ENOX1: variants seen among roughly 807,000 people sequenced by gnomAD.
The protein encoded by ENOX1 is ecto-NOX disulfide-thiol exchanger 1, also known as candidate growth-related and time keeping constitutive hydroquinone (NADH) oxidase.
A neutral mutation model predicts 82.5 loss-of-function variants in ENOX1; 42 were observed. The ratio of observed to expected loss-of-function variants is 0.51; its 90% CI spans 0.40 to 0.66. The LOEUF (loss-of-function observed/expected upper bound fraction) is 0.66. Ranked by LOEUF, ENOX1 falls within the 30% of genes least tolerant of loss-of-function variation. The pLI, the probability that ENOX1 is intolerant of heterozygous loss-of-function variation, is 0.00. For synonymous variants in ENOX1, 271 were observed against 282.2 expected (o/e 0.96, Z 0.40); for missense variants, 608 against 811.6 (o/e 0.75, Z 3.05).
chr13:43,741,563 A>G (rs1366482281), intron 1 of ENOX1, among the ~76,000 whole-genome samples: 5 of 152,096 alleles, frequency 3.3e-5, no homozygotes, highest in Non-Finnish European at 5.9e-5. Context: ...ATCTCTTCAG[A>G]TCTTTGCCCA....
intron 5 of ENOX1, among the ~76,000 whole-genome samples, chr13:43,384,562 C>T (rs1022456167): frequency 7.9e-5 from 12 of 152,192 alleles, no homozygotes; most frequent in South Asian, 6.2e-4. Flanking sequence ...CCTCAGTTCA[C>T]GTGGCTGAGA....
intron 5 of ENOX1, among the ~76,000 whole-genome samples, chr13:43,396,553 G>A (rs1227846815): frequency 2.0e-5 from 3 of 151,964 alleles, no homozygotes; most frequent in African/African-American, 2.4e-5. Flanking sequence ...CTAATTTTTT[G>A]TATTTTTAGT....
intron 3 of ENOX1, among the ~76,000 whole-genome samples, chr13:43,481,512 C>G (rs2058508412): frequency 6.6e-6 from 1 of 151,958 alleles, no homozygotes; most frequent in Non-Finnish European, 1.5e-5. Flanking sequence ...CAAAACCAAC[C>G]CAAAATGAAT....
chr13:43,712,972 G>T (rs2087836658), intron 1 of ENOX1, among the ~76,000 whole-genome samples: 1 of 152,052 alleles, frequency 6.6e-6, no homozygotes, highest in Non-Finnish European at 1.5e-5. Flanking sequence ...GGTGAGAGAG[G>T]GCATCCCTGT....
At chr13:43,543,657 T>C (rs1214369907) in intron 2 of ENOX1, among the ~76,000 whole-genome samples, 1 of 150,324 alleles carries the variant, frequency 6.7e-6, no homozygotes. Flanking sequence ...CTGTTACCCA[T>C]AATGATGCAA....
intron 12 of ENOX1, among the ~76,000 whole-genome samples, chr13:43,271,666 A>AACACAC (rs5803169): frequency 2.4e-3 from 362 of 150,032 alleles, no homozygotes; most frequent in East Asian, 4.8e-3. Context: ...CTTCTATTAA[A>AACACAC]ACACACACAC....
intron 2 of ENOX1, among the ~76,000 whole-genome samples, chr13:43,613,732 T>C (rs1329288): frequency 0.73 from 111,096 of 151,984 alleles, 40,762 homozygotes; most frequent in East Asian, 0.95. Flanking sequence ...TAGAAGGTCT[T>C]AACAGACCTA....
At chr13:43,494,957 G>A (rs1298130277) in intron 2 of ENOX1, among the ~76,000 whole-genome samples, 1 of 152,112 alleles carries the variant, frequency 6.6e-6, no homozygotes, top group Non-Finnish European at 1.5e-5. Flanking sequence ...TTTGAGCCTA[G>A]GTGTGGGGGA....
intron 16 of ENOX1, among the ~76,000 whole-genome samples, chr13:43,222,380 T>TACACACACACACACACACACAC (rs35476412): frequency 3.2e-4 from 47 of 149,090 alleles, no homozygotes; most frequent in African/African-American, 1.1e-3. Context: ...GAGATGATTT[T>TACACACACACACACACACACAC]ACACACACAC....
intron 5 of ENOX1, among the ~76,000 whole-genome samples, chr13:43,369,540 A>ATC (rs1360685066): frequency 3.3e-5 from 5 of 152,246 alleles, no homozygotes; most frequent in African/African-American, 1.2e-4. Context: ...CAAAGTTGAC[A>ATC]AATGCTAAGT....
intron 11 of ENOX1, among the ~76,000 whole-genome samples, chr13:43,315,220 G>T (rs17556448): frequency 6.6e-6 from 1 of 152,026 alleles, no homozygotes; most frequent in Non-Finnish European, 1.5e-5. Context: ...AAATGACCAG[G>T]TATTATTTTT....
At position 43,277,432 on chromosome 13, in the gene ENOX1, C is replaced by G. The variant is rs1033066688; in HGVS notation, c.1447-7855G>C. Among the ~76,000 whole-genome samples the G allele has an allele frequency of 1.3e-4, 20 of 152,112 alleles. 1 individual carries two copies. The highest frequency in any genetic ancestry group is 4.3e-4 in the African/African-American group (18 of 41,420). On this transcript the variant is annotated intron_variant, in intron 12 of 16. Transcript: ENST00000690772. ...ATCTCTGAGAGGTCAAGATAATGAA[C>G]CCTGGGGTCATGCCTATCATTACTC...
intron 12 of ENOX1, among the ~76,000 whole-genome samples, chr13:43,275,224 T>A (rs7988842): frequency 6.6e-6 from 1 of 152,186 alleles, no homozygotes; most frequent in Admixed American, 6.5e-5. Context: ...GAGCGGTGTG[T>A]CAAATTTGAC....
intron 5 of ENOX1, among the ~76,000 whole-genome samples, chr13:43,379,666 G>A (rs1382146241): frequency 6.6e-6 from 1 of 152,028 alleles, no homozygotes; most frequent in East Asian, 1.9e-4. Context: ...GAACATAAAA[G>A]GGCTGTGGGA....
chr13:43,462,033 T>C (rs1364120375), intron 3 of ENOX1, among the ~76,000 whole-genome samples: 4 of 152,152 alleles, frequency 2.6e-5, no homozygotes, highest in Non-Finnish European at 5.9e-5. Flanking sequence ...CCTCTGGTGC[T>C]GGGCCCACTC....
Position 43,343,274 on chromosome 13 carries a change from C to T in ENOX1, c.1036+1264G>A, listed in dbSNP as rs1031512437. Among the ~76,000 whole-genome samples, 5 of 152,154 alleles carry T rather than the reference C, an allele frequency of 3.3e-5. No individual in the cohort carries two copies. In the South Asian group the frequency reaches 1.0e-3, roughly 32 times the overall value. On this transcript the variant is annotated intron_variant, in intron 9 of 16. Coordinates refer to ENST00000690772, the MANE Select transcript of ENOX1 (RefSeq NM_001347969.2). ...CCTTTAAAAACTGCTGTAAATATTG[C>T]TTTTTAAAAATTCTATCCCTAATAA... is the stretch of plus-strand genomic sequence containing the variant.
chr13:43,364,052 A>G (rs2050691435), intron 5 of ENOX1, among the ~76,000 whole-genome samples: 2 of 152,206 alleles, frequency 1.3e-5, no homozygotes, highest in African/African-American at 4.8e-5. Flanking sequence ...TGAGAGGAGA[A>G]AGTAAGGAAG....
intron 2 of ENOX1, among the ~76,000 whole-genome samples, chr13:43,633,824 T>C (rs2083313109): frequency 6.6e-6 from 1 of 152,016 alleles, no homozygotes; most frequent in South Asian, 2.1e-4. Context: ...TAAAAAGAGC[T>C]TATAACTTTT....
chr13:43,522,270 A>G (rs2077803500), intron 2 of ENOX1, among the ~76,000 whole-genome samples: 1 of 152,008 alleles, frequency 6.6e-6, no homozygotes, highest in South Asian at 2.1e-4. Flanking sequence ...ATTAAATACC[A>G]CTCTGGGTAA....
Sources: gnomAD v4.1 joint callset for allele counts (sites outside exome capture counted in the v4.1 genomes callset) on GRCh38, gnomAD v4.1.1 for gene constraint, MANE v1.5 for transcripts, NCBI Gene and HGNC (gene_info 2026-07-23, HGNC 2026-07-21) for gene names.